The following POLRMT variants were observed in gnomAD, a reference collection of about 807,000 sequenced individuals.
The protein encoded by POLRMT is DNA-directed RNA polymerase, mitochondrial.
In POLRMT, 114 loss-of-function variants were observed where a neutral mutation model predicts 132.2. That is an observed-to-expected ratio of 0.86 (90% confidence interval 0.74 to 1.01). The LOEUF is 1.01. Ranked by LOEUF, POLRMT falls within the 50% of genes least tolerant of loss-of-function variation. The probability of loss-of-function intolerance (pLI) is 0.00; values close to 1 mark genes in which losing one functional copy is unlikely to be tolerated. For missense variants in POLRMT, 2,003 were observed against 1,729.1 expected (o/e 1.16, Z -2.81); for synonymous variants, 1,020 against 773.4 (o/e 1.32, Z -5.29).
In POLRMT at chr19:621,587, T is replaced by A. The variant is rs753180679; in HGVS notation, c.2111A>T (p.Asn704Ile). The part of the protein sequence containing the change: ...GALDALTQLG[N>I]CAWRVNGRVL... The stretch of plus-strand genomic sequence containing the variant: ...GCGCCCGTTGACGCGCCAGGCGCAG[T>A]TGCCCAGTTGGGTGAGGGCGTCCAG... The change falls in exon 10 of 21, where the codon AAC (asparagine) becomes ATC (isoleucine). Residue 704 changes from asparagine to isoleucine, a missense_variant. Coordinates refer to ENST00000588649, the MANE Select transcript of POLRMT (RefSeq NM_005035.4). 1 of 1,482,962 alleles carries A rather than the reference T, an allele frequency of 6.7e-7. No individual in the cohort carries two copies. The highest frequency in any genetic ancestry group is 2.5e-5 in the East Asian group (1 of 39,450). The allele number at this position is 1,482,962 out of a possible 1,614,324, so 91.9% of individuals were successfully genotyped here.
intron 3 of POLRMT, among the ~76,000 whole-genome samples, chr19:628,634 G>T (rs923235564): frequency 4.0e-5 from 6 of 149,206 alleles, no homozygotes; most frequent in Admixed American, 1.3e-4. Flanking sequence ...AGGATCATGG[G>T]GGGGGAGAAA....
rs926929729 is a variant in POLRMT, at chr19:622,965, C to G, written c.1311G>C (p.Leu437=). ...ACAGTGCTTTCTCCCATTGGTCCCG[C>G]AGGGTCTTCAGGGTCTTCCGCTGCG... ...VKHARKTLKT[L]RDQWEKALCR... Residue 437 remains leucine, a synonymous_variant, in exon 7 of 21, where the codon CTG becomes CTC. Coordinates refer to ENST00000588649, the MANE Select transcript of POLRMT (RefSeq NM_005035.4). The G allele has an allele frequency of 4.3e-6, 7 of 1,612,572 alleles. No individual in the cohort carries two copies. The African/African-American group carries it at 9.3e-5, about 22-fold the overall frequency.
In POLRMT at chr19:618,525, A is replaced by C; in HGVS notation, c.3385T>G (p.Ser1129Ala). Residue 1129 changes from serine (S) to alanine (A), a missense_variant, in exon 17 of 21, where the codon TCC (serine) becomes GCC (alanine). Coordinates refer to ENST00000588649, the MANE Select transcript of POLRMT (RefSeq NM_005035.4). ...AGGGCGGTGAGCATCATGTGGGAGG[A>C]GTCCAGCGAGTGGATGAAGTTGGGC... Reference protein sequence around the residue: ...FPPNFIHSLDSSHMMLTALHC... With the variant: ...FPPNFIHSLDASHMMLTALHC... 6.2e-7 allele frequency: 1 copy of C among 1,613,088 alleles called. No individual in the cohort carries two copies. The highest frequency in any genetic ancestry group is 8.5e-7 in the Non-Finnish European group (1 of 1,179,402).
intron 13 of POLRMT, 109 bp from the exon 14 acceptor site, chr19:619,405 G>T: frequency 1.4e-6 from 2 of 1,408,902 alleles, no homozygotes; most frequent in South Asian, 1.2e-5. Context: ...CTAGCAGGGG[G>T]GCAGGGGAAT....
intron 15 of POLRMT, 89 bp downstream of exon 15, chr19:618,906 TGG>T: frequency 7.4e-7 from 1 of 1,351,884 alleles, no homozygotes; most frequent in Non-Finnish European, 1.0e-6. Context: ...GGTGGTACAC[TGG>T]GGTGGTGGTA....
At chr19:626,632 A>T (rs1985033907) in intron 3 of POLRMT, among the ~76,000 whole-genome samples, 1 of 43,044 alleles carries the variant, frequency 2.3e-5, no homozygotes, top group East Asian at 8.2e-4. Context: ...TAAAAATACA[A>T]AAAAAAAAAA....
At chr19:628,160 G>A (rs911064520) in intron 3 of POLRMT, among the ~76,000 whole-genome samples, 8 of 152,136 alleles carry the variant, frequency 5.3e-5, no homozygotes, top group African/African-American at 9.7e-5. Context: ...GAGAGACTTC[G>A]GGTCTGCAGA....
rs550468684 is a variant in POLRMT at position 617,329 on chromosome 19, G to C, written c.3644-6C>G. ...CTGCTCCAGGTCGAAGGCCCCTGCG[G>C]AGGAAGCAGAGCGGACGGCGTGGGT... is the stretch of plus-strand genomic sequence containing the variant. On this transcript the variant is annotated splice_region_variant and splice_polypyrimidine_tract_variant and intron_variant, in intron 20 of 20. Transcript: ENST00000588649. 6.2e-7 allele frequency: 1 copy of C among 1,612,902 alleles called. No homozygotes were observed. Among genetic ancestry groups the C allele is most frequent in the Admixed American group, 1.7e-5 (1 of 60,022 alleles).
chr19:626,571 G>C (rs1985028091), intron 3 of POLRMT, among the ~76,000 whole-genome samples: 1 of 141,990 alleles, frequency 7.0e-6, no homozygotes, highest in South Asian at 2.3e-4. Context: ...AGGATCACAA[G>C]GTCAGGAGTT....
In POLRMT at chr19:619,099, G is replaced by T. The variant is rs149476145; in HGVS notation, c.3165C>A (p.Thr1055=). ...SGTRAIQHWL[T]ESARLISHMG... ...TGTGGGAGATGAGGCGGGCACTCTC[G>T]GTCAGCCAGTGCTGTGGGACACAGG... is the stretch of plus-strand genomic sequence containing the variant. Residue 1055 remains threonine (T), a synonymous_variant, in exon 15 of 21, where the codon ACC becomes ACA. Transcript: ENST00000588649. The T allele has an allele frequency of 1.2e-6, 2 of 1,611,302 alleles. No individual in the cohort carries two copies. Among genetic ancestry groups the T allele is most frequent in the Non-Finnish European group, 1.7e-6 (2 of 1,179,212 alleles).
At position 618,769 on chromosome 19, in the gene POLRMT, G is replaced by A. The variant is rs562912085; in HGVS notation, c.3268-9C>T. On this transcript the variant is annotated splice_polypyrimidine_tract_variant and intron_variant, in intron 15 of 20. Coordinates refer to ENST00000588649, the MANE Select transcript of POLRMT (RefSeq NM_005035.4). ...ATTCCACCTCCTATTTGCTAAAAAG[G>A]GGAAGGGGCCGGTGAGTCCCACCCG... 20 of 1,593,432 alleles carry A rather than the reference G, an allele frequency of 1.3e-5. No individual in the cohort carries two copies. In the Admixed American group the frequency reaches 2.4e-4, roughly 19 times the overall value.
rs752978156 is a variant in POLRMT, at chr19:619,290, C to A, written c.3073G>T (p.Val1025Leu). The A allele has an allele frequency of 3.1e-6, 5 of 1,608,400 alleles. No homozygotes were observed. Among genetic ancestry groups the A allele is most frequent in the Non-Finnish European group, 8.5e-7 (1 of 1,179,302 alleles). The change falls in exon 14 of 21, where the codon GTG becomes TTG. Residue 1025 changes from valine to leucine, a missense_variant. Val to Leu is a conservative substitution (Grantham distance 32). Coordinates refer to ENST00000588649, the MANE Select transcript of POLRMT (RefSeq NM_005035.4). Reference sequence around the variant, plus strand: ...ACGAGATAGTGAGAGGCCTCCCACACGAACTCCTGCAGAGGGCGGGCAGCA... The same window carrying A: ...ACGAGATAGTGAGAGGCCTCCCACAAGAACTCCTGCAGAGGGCGGGCAGCA... ...RELSDFPQEF[V>L]WEASHYLVRQ...
At position 630,116 on chromosome 19, in the gene POLRMT, C is replaced by T. The variant is rs765209848; in HGVS notation, c.246G>A (p.Val82=). 1.0e-4 allele frequency: 164 copies of T among 1,612,420 alleles called. No homozygotes were observed. Among genetic ancestry groups the T allele is most frequent in the Non-Finnish European group, 1.3e-4 (158 of 1,179,292 alleles). The part of the protein sequence containing the change: ...QLQAESVSEV[V]VNRVDVARLP... The stretch of plus-strand genomic sequence containing the variant: ...GCCGCGCCACATCCACCCTGTTCAC[C>T]ACCACCTCCGACACGCTCTCAGCCT... The change falls in exon 3 of 21, where the codon GTG becomes GTA. Residue 82 remains valine (V), a synonymous_variant. Transcript: ENST00000588649.
At chr19:620,786 A>AGGG (rs1448957222) in intron 10 of POLRMT, among the ~76,000 whole-genome samples, 2 of 26,436 alleles carry the variant, frequency 7.6e-5, no homozygotes, top group Non-Finnish European at 1.4e-4. Flanking sequence ...GATGCAGGGG[A>AGGG]GGGGGGAACG....
chr19:618,667 G>C (rs770035380), intron 16 of POLRMT, 38 bp downstream of exon 16: 2 of 1,604,060 alleles, frequency 1.2e-6, no homozygotes, highest in Non-Finnish European at 1.7e-6. Flanking sequence ...CTGCTCTCCA[G>C]ACCCCCGGCC....
intron 3 of POLRMT, among the ~76,000 whole-genome samples, chr19:626,474 C>G (rs1261236117): frequency 6.7e-6 from 1 of 150,314 alleles, no homozygotes; most frequent in Non-Finnish European, 1.5e-5. Flanking sequence ...TAAATATCCC[C>G]TGCAATTTTT....
Position 625,205 on chromosome 19 carries a change from C to A in POLRMT, c.872G>T (p.Gly291Val). The change falls in exon 4 of 21, where the codon GGC becomes GTC. Residue 291 changes from glycine to valine, a missense_variant. Transcript: ENST00000588649. ...VYVLFMVKDA[G>V]LTPDLLSYAA... is the part of the protein sequence containing the mutation. ...ATAGGACAGCAGGTCCGGAGTCAAG[C>A]CGGCATCCTTCACCATGAATAACAC... 1 of 1,614,108 alleles carries A rather than the reference C, an allele frequency of 6.2e-7. No homozygotes were observed. Among genetic ancestry groups the A allele is most frequent in the Non-Finnish European group, 8.5e-7 (1 of 1,180,002 alleles).
In POLRMT at chr19:619,302, G is replaced by A; in HGVS notation, c.3067-6C>T. The A allele has an allele frequency of 5.6e-6, 9 of 1,608,916 alleles. No individual in the cohort carries two copies. The highest frequency in any genetic ancestry group is 7.6e-6 in the Non-Finnish European group (9 of 1,179,380). On this transcript the variant is annotated splice_region_variant and splice_polypyrimidine_tract_variant and intron_variant, in intron 13 of 20. Coordinates refer to ENST00000588649, the MANE Select transcript of POLRMT (RefSeq NM_005035.4). ...GAGGCCTCCCACACGAACTCCTGCA[G>A]AGGGCGGGCAGCAGGTGCAGGTCCT...
chr19:623,586 G>A lies in POLRMT; in HGVS notation c.1158C>T (p.Tyr386=). 3 of 1,613,686 alleles carry A rather than the reference G, an allele frequency of 1.9e-6. No individual in the cohort carries two copies. In the South Asian group the frequency reaches 3.3e-5, roughly 18 times the overall value. The change falls in exon 6 of 21, where the codon TAC becomes TAT. Residue 386 remains tyrosine, a synonymous_variant. Coordinates refer to ENST00000588649, the MANE Select transcript of POLRMT (RefSeq NM_005035.4). ...TCTTCAAGGGCAGGTGCAGCTTCGG[G>A]TAGGACACACGCCCATCCTGCAGGG... ...DVYAKDGRVS[Y]PKLHLPLKTL... is the part of the protein sequence containing the mutation.
Sources: gnomAD v4.1 joint callset for allele counts (sites outside exome capture counted in the v4.1 genomes callset) on GRCh38, gnomAD v4.1.1 for gene constraint, MANE v1.5 for transcripts, NCBI Gene and HGNC (gene_info 2026-07-23, HGNC 2026-07-21) for gene names.